The following GRIK2 variants were observed in gnomAD, a reference collection of about 807,000 sequenced individuals.
GRIK2 encodes the protein glutamate receptor ionotropic, kainate 2.
A neutral mutation model predicts 100.3 loss-of-function variants in GRIK2; 32 were observed. The observed-to-expected ratio is 0.32, with a 90% confidence interval of 0.24 to 0.43. The LOEUF is 0.43. Ranked by LOEUF, GRIK2 falls within the 20% of genes least tolerant of loss-of-function variation. The pLI is 1.00. For synonymous variants in GRIK2, 417 were observed against 389.4 expected (o/e 1.07, Z -0.83); for missense variants, 843 against 1,114.9 (o/e 0.76, Z 3.47).
At chr6:101,971,127 A>G (rs1793023819) in intron 14 of GRIK2, among the ~76,000 whole-genome samples, 1 of 145,826 alleles carries the variant, frequency 6.9e-6, no homozygotes, top group Admixed American at 6.7e-5. Context: ...AGAAATTGGA[A>G]AATATTTGTA....
intron 2 of GRIK2, among the ~76,000 whole-genome samples, chr6:101,416,112 G>A (rs1451053424): frequency 6.6e-6 from 1 of 152,270 alleles, no homozygotes; most frequent in Admixed American, 6.5e-5. Flanking sequence ...TTCAAGGGTG[G>A]TTGGACCCCT....
chr6:101,436,918 G>A (rs571177630), intron 2 of GRIK2, among the ~76,000 whole-genome samples: 1 of 151,060 alleles, frequency 6.6e-6, no homozygotes, highest in East Asian at 1.9e-4. Flanking sequence ...TCTAAATTAA[G>A]ATTAAAATGG....
chr6:101,601,770 T>C (rs1367406342), intron 2 of GRIK2, among the ~76,000 whole-genome samples: 3 of 151,902 alleles, frequency 2.0e-5, no homozygotes, highest in Non-Finnish European at 4.4e-5. Flanking sequence ...GTGGGGTCAG[T>C]TGTAATGCCA....
At chr6:101,648,683 T>A (rs1781644585) in intron 4 of GRIK2, among the ~76,000 whole-genome samples, 1 of 152,102 alleles carries the variant, frequency 6.6e-6, no homozygotes, top group African/African-American at 2.4e-5. Flanking sequence ...AACCCTTGAT[T>A]TCATTTATTT....
intron 4 of GRIK2, among the ~76,000 whole-genome samples, chr6:101,656,757 G>A (rs903979802): frequency 1.3e-5 from 2 of 152,132 alleles, no homozygotes; most frequent in African/African-American, 4.8e-5. Flanking sequence ...AAAGAAGAAA[G>A]AAAATGTCCA....
At chr6:101,973,028 G>A (rs1793153784) in intron 14 of GRIK2, among the ~76,000 whole-genome samples, 1 of 151,638 alleles carries the variant, frequency 6.6e-6, no homozygotes, top group Non-Finnish European at 1.5e-5. Flanking sequence ...TGGCTCTCTG[G>A]GCTCCAAAAT....
chr6:101,874,444 C>G (rs1440357064), intron 11 of GRIK2, among the ~76,000 whole-genome samples: 1 of 152,100 alleles, frequency 6.6e-6, no homozygotes, highest in Non-Finnish European at 1.5e-5. Context: ...GCGTTCTGTT[C>G]CATTGGTCTA....
chr6:101,859,513 AT>A lies in GRIK2; in HGVS notation c.1524+23del. On this transcript the variant is annotated intron_variant, in intron 11 of 16. Transcript: ENST00000369134. ...GATCATGTAAGTCCCTTCCCTCATG[AT>A]TTATTAGTTTGTTATGTTGCTACAA... 7.2e-7 allele frequency: 1 copy of A among 1,393,858 alleles called. No individual in the cohort carries two copies. Among genetic ancestry groups the A allele is most frequent in the Non-Finnish European group, 1.0e-6 (1 of 985,150 alleles). 86.3% of individuals were successfully genotyped at this position (1,393,858 alleles called of 1,614,324 possible). A position where few individuals can be genotyped will look rare whatever the true frequency, so the allele number is the denominator to read the frequency against.
At chr6:101,423,422 C>T (rs762594769) in intron 2 of GRIK2, among the ~76,000 whole-genome samples, 2 of 152,086 alleles carry the variant, frequency 1.3e-5, no homozygotes, top group African/African-American at 2.4e-5. Flanking sequence ...CAACAGTATA[C>T]GAGTGTTCCA....
chr6:101,427,762 G>A (rs1161606272), intron 2 of GRIK2, among the ~76,000 whole-genome samples: 1 of 152,144 alleles, frequency 6.6e-6, no homozygotes, highest in African/African-American at 2.4e-5. Flanking sequence ...GTCAGCCAGT[G>A]GGGTCATTCT....
intron 14 of GRIK2, among the ~76,000 whole-genome samples, chr6:102,012,001 T>C (rs1031647613): frequency 8.5e-5 from 13 of 152,196 alleles, no homozygotes; most frequent in African/African-American, 3.1e-4. Flanking sequence ...TATAGGTTAG[T>C]ATTTTATATT....
intron 15 of GRIK2, among the ~76,000 whole-genome samples, chr6:102,052,868 T>C (rs1582793792): frequency 6.6e-6 from 1 of 152,078 alleles, no homozygotes; most frequent in Non-Finnish European, 1.5e-5. Context: ...TTGCTTGAGC[T>C]CAGGAGGTCA....
At chr6:101,699,690 A>G (rs1012951412) in intron 7 of GRIK2, among the ~76,000 whole-genome samples, 17 of 152,142 alleles carry the variant, frequency 1.1e-4, no homozygotes, top group Admixed American at 1.1e-3. Flanking sequence ...TGAAGGACAG[A>G]GCAGTGTCTA....
intron 7 of GRIK2, among the ~76,000 whole-genome samples, chr6:101,733,425 T>C (rs1268793443): frequency 2.6e-5 from 4 of 152,164 alleles, no homozygotes; most frequent in Admixed American, 6.5e-5. Context: ...AAGGCAAATT[T>C]AGGCCTCCTT....
chr6:101,766,869 A>T (rs979946365), intron 7 of GRIK2, among the ~76,000 whole-genome samples: 1 of 152,204 alleles, frequency 6.6e-6, no homozygotes, highest in African/African-American at 2.4e-5. Flanking sequence ...TTTGATGTTC[A>T]TTTTTGGAAA....
At chr6:101,697,340 C>T (rs1452073615) in intron 7 of GRIK2, among the ~76,000 whole-genome samples, 2 of 146,714 alleles carry the variant, frequency 1.4e-5, no homozygotes, top group Non-Finnish European at 1.5e-5. Context: ...TTAGGGTGTA[C>T]GTGTGTGTGT....
At chr6:101,979,512 C>T (rs770128795) in intron 14 of GRIK2, among the ~76,000 whole-genome samples, 2 of 151,928 alleles carry the variant, frequency 1.3e-5, no homozygotes, top group Non-Finnish European at 2.9e-5. Context: ...TGCCAGAGGG[C>T]ACCCTGGAAA....
chr6:101,828,289 A>G (rs891420707), intron 10 of GRIK2, among the ~76,000 whole-genome samples: 12 of 151,996 alleles, frequency 7.9e-5, no homozygotes, highest in African/African-American at 2.9e-4. Flanking sequence ...AGTGATAAGA[A>G]GAAAGTTTAT....
chr6:101,825,964 A>G (rs541398776), intron 10 of GRIK2, among the ~76,000 whole-genome samples: 31 of 152,264 alleles, frequency 2.0e-4, no homozygotes, highest in African/African-American at 7.2e-4. Flanking sequence ...GATATACAGT[A>G]TCATGCTCCA....
Sources: allele counts gnomAD v4.1 joint callset (sites outside exome capture counted in the v4.1 genomes callset), GRCh38; gene constraint gnomAD v4.1.1; transcripts MANE v1.5; gene names NCBI Gene and HGNC (gene_info 2026-07-23, HGNC 2026-07-21).